PRICKLE2: variants seen among roughly 807,000 people sequenced by gnomAD.
The protein encoded by PRICKLE2 is prickle-like protein 2.
PRICKLE2 carries 21 observed loss-of-function variants against 81.4 expected under a neutral mutation model. The observed-to-expected ratio is 0.26, with a 90% CI of 0.18 to 0.37. PRICKLE2 has a LOEUF of 0.37. Ranked by LOEUF, PRICKLE2 falls within the 10% of genes least tolerant of loss-of-function variation. The pLI is 1.00. For missense variants in PRICKLE2, 940 were observed against 1,109.0 expected (o/e 0.85, Z 2.16); for synonymous variants, 456 against 421.5 (o/e 1.08, Z -1.00).
intron 2 of PRICKLE2, among the ~76,000 whole-genome samples, chr3:64,249,250 C>T (rs911857542): frequency 2.7e-5 from 4 of 149,654 alleles, no homozygotes; most frequent in East Asian, 1.9e-4. Context: ...AGAAAGAAAG[C>T]GAAGGGGGAG....
At chr3:64,120,406 T>C (rs181437099) in intron 7 of PRICKLE2, among the ~76,000 whole-genome samples, 6 of 152,174 alleles carry the variant, frequency 3.9e-5, no homozygotes, top group Admixed American at 3.3e-4. Context: ...GGACCTTCGT[T>C]TGGCAGATAA....
chr3:64,119,155 G>A (rs953238254), intron 7 of PRICKLE2, among the ~76,000 whole-genome samples: 3 of 152,184 alleles, frequency 2.0e-5, no homozygotes, highest in African/African-American at 7.2e-5. Context: ...TTACTTATAA[G>A]TGGGAGCTAA....
At chr3:64,264,321 C>T (rs1300964178) in intron 2 of PRICKLE2, among the ~76,000 whole-genome samples, 3 of 152,114 alleles carry the variant, frequency 2.0e-5, no homozygotes, top group East Asian at 1.9e-4. Flanking sequence ...GAGCAAACAG[C>T]GACGTGCTTC....
upstream of PRICKLE2, among the ~76,000 whole-genome samples, chr3:64,229,266 T>C (rs1171121092): frequency 1.3e-5 from 2 of 152,204 alleles, no homozygotes; most frequent in Non-Finnish European, 2.9e-5. Flanking sequence ...CTTTCCATTC[T>C]AGCCAGCTTT....
intron 7 of PRICKLE2, among the ~76,000 whole-genome samples, chr3:64,109,987 A>G (rs959563879): frequency 6.6e-6 from 1 of 152,214 alleles, no homozygotes; most frequent in African/African-American, 2.4e-5. Context: ...AGTGACCCCA[A>G]TAAAGATGGA....
chr3:64,146,744 A>T, intron 7 of PRICKLE2, 86 bp downstream of exon 7: 1 of 1,267,902 alleles, frequency 7.9e-7, no homozygotes, highest in Non-Finnish European at 1.1e-6. Context: ...CTCCATTTCA[A>T]AAAAAAAAAA....
chr3:64,141,748 T>G, intron 7 of PRICKLE2: 3 of 959,792 alleles, frequency 3.1e-6, no homozygotes, highest in Non-Finnish European at 3.7e-6. Context: ...CTATCTGTTT[T>G]TTCAGATCTG....
chr3:64,139,851 C>T (rs2077333335), intron 7 of PRICKLE2, among the ~76,000 whole-genome samples: 1 of 152,206 alleles, frequency 6.6e-6, no homozygotes, highest in Non-Finnish European at 1.5e-5. Flanking sequence ...TGACCCTTCC[C>T]CTATCCCTGA....
chr3:64,118,763 T>G (rs1306429858), intron 7 of PRICKLE2, among the ~76,000 whole-genome samples: 2 of 152,186 alleles, frequency 1.3e-5, no homozygotes, highest in Non-Finnish European at 2.9e-5. Context: ...AAAGAATGCT[T>G]GTACACTCTT....
intron 2 of PRICKLE2, among the ~76,000 whole-genome samples, chr3:64,198,109 G>C (rs1157576078): frequency 2.6e-5 from 4 of 152,006 alleles, no homozygotes; most frequent in African/African-American, 9.7e-5. Context: ...CTACTCGGGA[G>C]GCTAAGGCAG....
chr3:64,100,202 C>A, intron 7 of PRICKLE2: 1 of 499,728 alleles, frequency 2.0e-6, no homozygotes, highest in Non-Finnish European at 3.6e-6. Flanking sequence ...TTACTAAGAG[C>A]CCACTGTGTA....
At chr3:64,232,846 G>A (rs1326661744) in intron 2 of PRICKLE2, among the ~76,000 whole-genome samples, 2 of 152,082 alleles carry the variant, frequency 1.3e-5, no homozygotes, top group South Asian at 2.1e-4. Context: ...CACTCCCAAC[G>A]GATGAGAACA....
chr3:64,246,072 C>T (rs911134780), intron 2 of PRICKLE2, among the ~76,000 whole-genome samples: 1 of 151,954 alleles, frequency 6.6e-6, no homozygotes, highest in Non-Finnish European at 1.5e-5. Flanking sequence ...TGGCAAAACC[C>T]CTCTGCAAAA....
intron 7 of PRICKLE2, among the ~76,000 whole-genome samples, chr3:64,137,748 T>A (rs2077299524): frequency 6.6e-6 from 1 of 152,108 alleles, no homozygotes; most frequent in South Asian, 2.1e-4. Flanking sequence ...GAGGGATGGA[T>A]TCTCCTGGGA....
rs1341432526 is a variant in PRICKLE2 at position 64,097,051 on chromosome 3, T to C, written c.*2000A>G. 6.6e-6 allele frequency: 1 copy of C among 152,626 alleles called. No individual in the cohort carries two copies. Among genetic ancestry groups the C allele is most frequent in the Non-Finnish European group, 1.5e-5 (1 of 68,044 alleles). 9.5% of individuals were successfully genotyped at this position (152,626 alleles called of 1,614,324 possible). A position where few individuals can be genotyped will look rare whatever the true frequency, so the allele number is the denominator to read the frequency against. On this transcript the variant is annotated 3_prime_UTR_variant, in exon 8 of 8. Coordinates refer to ENST00000638394, the MANE Select transcript of PRICKLE2 (RefSeq NM_198859.4). Reference sequence around the variant, plus strand: ...TTTGCCAAGCAGTTTACAAACTTACTATACAAACGTAATAGAGTTAATTCT... The same window carrying C: ...TTTGCCAAGCAGTTTACAAACTTACCATACAAACGTAATAGAGTTAATTCT...
At chr3:64,157,475 A>G in intron 4 of PRICKLE2, 110 bp from the exon 5 acceptor site, 1 of 1,129,148 alleles carries the variant, frequency 8.9e-7, no homozygotes. Flanking sequence ...GCTTATGTTC[A>G]AAGCAGTCAC....
rs180801017 is a variant in PRICKLE2 at position 64,220,394 on chromosome 3, C to T, written c.-41+4516G>A. On this transcript the variant is annotated intron_variant, in intron 1 of 7. Transcript: ENST00000638394. ...ACTCCCAGTGTGAGAGGAATCGAGGCAACTCAAGTCAGCCACCTATCACTC... is the reference window on the plus strand; with the variant it reads ...ACTCCCAGTGTGAGAGGAATCGAGGTAACTCAAGTCAGCCACCTATCACTC... Among the ~76,000 whole-genome samples the T allele has an allele frequency of 1.1e-4, 17 of 152,290 alleles. No homozygotes were observed. The East Asian group carries it at 2.1e-3, about 19-fold the overall frequency.
intron 7 of PRICKLE2, chr3:64,145,885 C>G (rs1466244431): frequency 1.3e-5 from 2 of 152,000 alleles, no homozygotes; most frequent in African/African-American, 2.4e-5. Context: ...GGGCATTAAT[C>G]CCATTCATGA....
intron 2 of PRICKLE2, among the ~76,000 whole-genome samples, chr3:64,164,164 G>T (rs1323131040): frequency 6.6e-6 from 1 of 152,040 alleles, no homozygotes; most frequent in Non-Finnish European, 1.5e-5. Flanking sequence ...ACCACCTGAG[G>T]GCGGCAGTTT....
Sources: allele counts gnomAD v4.1 joint callset (sites outside exome capture counted in the v4.1 genomes callset), GRCh38; gene constraint gnomAD v4.1.1; transcripts MANE v1.5; gene names NCBI Gene and HGNC (gene_info 2026-07-23, HGNC 2026-07-21).